Variants in REDIC1 observed in about 807,000 individuals in gnomAD.
REDIC1 encodes the protein HEI10 Interacting Protein 1.
At chr12:39,904,472 A>G in the REDIC1 span, among the ~76,000 whole-genome samples, 2 of 152,146 alleles carry the variant, frequency 1.3e-5, no homozygotes, top group South Asian at 2.1e-4. Context: ...TGCCATGTTA[A>G]CTGTTTTCTG....
the REDIC1 span, among the ~76,000 whole-genome samples, chr12:39,709,482 C>T: frequency 6.6e-6 from 1 of 151,846 alleles, no homozygotes; most frequent in South Asian, 2.1e-4. Flanking sequence ...GTCTCTCACA[C>T]TCCCTAAACA....
chr12:39,631,030 A>T, the REDIC1 span, among the ~76,000 whole-genome samples: 1,292 of 152,292 alleles, frequency 8.5e-3, 14 homozygotes, highest in African/African-American at 0.03. Context: ...CTGCGATTAC[A>T]GGAACCTGCC....
chr12:39,717,231 T>TC, the REDIC1 span, among the ~76,000 whole-genome samples: 1 of 151,448 alleles, frequency 6.6e-6, no homozygotes, highest in African/African-American at 2.4e-5. Flanking sequence ...TGCTGCCCAG[T>TC]CAGAAATCTG....
the REDIC1 span, among the ~76,000 whole-genome samples, chr12:39,709,344 C>T: frequency 4.0e-5 from 6 of 149,682 alleles, no homozygotes; most frequent in East Asian, 1.2e-3. Context: ...AATTTTTATT[C>T]ATATGTCTTT....
At chr12:39,631,357 C>A in the REDIC1 span, among the ~76,000 whole-genome samples, 3 of 152,170 alleles carry the variant, frequency 2.0e-5, no homozygotes, top group African/African-American at 7.2e-5. Flanking sequence ...AAATTTAATT[C>A]TGCACAAGAT....
At chr12:39,754,503 C>G in the REDIC1 span, among the ~76,000 whole-genome samples, 1 of 152,090 alleles carries the variant, frequency 6.6e-6, no homozygotes, top group African/African-American at 2.4e-5. Flanking sequence ...ATTTCTAAGT[C>G]AGGCTCAGGA....
At chr12:39,751,694 C>T in the REDIC1 span, among the ~76,000 whole-genome samples, 33 of 152,216 alleles carry the variant, frequency 2.2e-4, no homozygotes, top group Admixed American at 4.6e-4. Flanking sequence ...AAATGTGGCA[C>T]GTATACATCA....
the REDIC1 span, among the ~76,000 whole-genome samples, chr12:39,874,132 A>G: frequency 7.2e-5 from 11 of 152,354 alleles, no homozygotes; most frequent in East Asian, 1.7e-3. Flanking sequence ...TATTTGCTGT[A>G]GAATATTTCT....
the REDIC1 span, chr12:39,646,265 A>ATT: frequency 2.0e-6 from 1 of 496,074 alleles, no homozygotes; most frequent in Non-Finnish European, 3.2e-6. Flanking sequence ...ATGATTTATT[A>ATT]AACAGTACTT....
chr12:39,881,310 TA>T, the REDIC1 span, among the ~76,000 whole-genome samples: 2 of 151,998 alleles, frequency 1.3e-5, no homozygotes, highest in Non-Finnish European at 2.9e-5. Context: ...TAGATGACAA[TA>T]TGAGTGTGGT....
At chr12:39,784,451 C>A in the REDIC1 span, among the ~76,000 whole-genome samples, 9 of 152,124 alleles carry the variant, frequency 5.9e-5, no homozygotes, top group Admixed American at 3.9e-4. Flanking sequence ...CTTTGACAAA[C>A]CTGACGAAAG....
the REDIC1 span, among the ~76,000 whole-genome samples, chr12:39,675,781 C>T: frequency 6.6e-6 from 1 of 152,220 alleles, no homozygotes; most frequent in South Asian, 2.1e-4. Context: ...CTCATCACAT[C>T]ACAGGACTCT....
the REDIC1 span, among the ~76,000 whole-genome samples, chr12:39,797,634 T>G: frequency 6.6e-6 from 1 of 152,102 alleles, no homozygotes; most frequent in African/African-American, 2.4e-5. Flanking sequence ...ATGATAAATA[T>G]GAAGCAGATA....
chr12:39,801,728 T>A, the REDIC1 span, among the ~76,000 whole-genome samples: 7 of 152,186 alleles, frequency 4.6e-5, no homozygotes, highest in Non-Finnish European at 8.8e-5. Flanking sequence ...GGGATTCAGT[T>A]TCCTCATCTA....
At chr12:39,694,479 C>G in the REDIC1 span, among the ~76,000 whole-genome samples, 1 of 152,094 alleles carries the variant, frequency 6.6e-6, no homozygotes, top group African/African-American at 2.4e-5. Context: ...GAACTCAGCA[C>G]TATCTTGTTA....
the REDIC1 span, among the ~76,000 whole-genome samples, chr12:39,703,001 G>A: frequency 3.3e-5 from 5 of 152,280 alleles, no homozygotes; most frequent in Admixed American, 6.5e-5. Flanking sequence ...AAAACTGGAA[G>A]CATTCCCTTT....
chr12:39,676,193 TAA>T, the REDIC1 span, among the ~76,000 whole-genome samples: 2 of 128,146 alleles, frequency 1.6e-5, no homozygotes. Context: ...CTTAAGGAAA[TAA>T]AAAAAAAAAA....
the REDIC1 span, among the ~76,000 whole-genome samples, chr12:39,876,706 T>C: frequency 2.6e-5 from 4 of 152,170 alleles, no homozygotes; most frequent in Non-Finnish European, 5.9e-5. Flanking sequence ...ATTTTAACTG[T>C]TTGACAAAAT....
the REDIC1 span, among the ~76,000 whole-genome samples, chr12:39,730,940 G>T: frequency 1.3e-5 from 2 of 151,464 alleles, no homozygotes; most frequent in African/African-American, 4.9e-5. Context: ...CTGCTTGATT[G>T]ATTTGGCTAT....
Sources: allele counts gnomAD v4.1 joint callset (sites outside exome capture counted in the v4.1 genomes callset), GRCh38; gene constraint gnomAD v4.1.1; transcripts MANE v1.5; gene names NCBI Gene and HGNC (gene_info 2026-07-23, HGNC 2026-07-21).